Variants in ACTR10 observed in about 807,000 individuals in gnomAD.
ACTR10 encodes the protein actin-related protein 10.
In ACTR10, 43 loss-of-function variants were observed where a neutral mutation model predicts 56.2. That is an observed-to-expected ratio of 0.77 (90% CI 0.60 to 0.99). The LOEUF (loss-of-function observed/expected upper bound fraction) is 0.99, where lower values mean the gene tolerates loss of function less well. ACTR10 is among the 50% of genes least tolerant of loss of function. ACTR10 has a pLI of 0.00. For missense variants in ACTR10, 466 were observed against 507.8 expected (o/e 0.92, Z 0.79); for synonymous variants, 170 against 176.3 (o/e 0.96, Z 0.28).
At chr14:58,225,026 A>G (rs927333128) in intron 10 of ACTR10, among the ~76,000 whole-genome samples, 11 of 152,038 alleles carry the variant, frequency 7.2e-5, no homozygotes, top group African/African-American at 2.4e-4. Flanking sequence ...TTATGGGTCC[A>G]TATGGTCTCT....
At position 58,207,933 on chromosome 14, in the gene ACTR10, C is replaced by T. The variant is rs771683778; in HGVS notation, c.151-3C>T. 27 of 1,429,836 alleles carry T rather than the reference C, an allele frequency of 1.9e-5. No individual in the cohort carries two copies. Among genetic ancestry groups the T allele is most frequent in the South Asian group, 1.1e-4 (7 of 61,774 alleles). 88.6% of individuals were successfully genotyped at this position (1,429,836 alleles called of 1,614,324 possible). On this transcript the variant is annotated splice_region_variant and splice_polypyrimidine_tract_variant and intron_variant, in intron 2 of 12. Coordinates refer to ENST00000254286, the MANE Select transcript of ACTR10 (RefSeq NM_018477.3). ...ATTAATAAATCATTTTAATTTTTTA[C>T]AGCCTGTCAGAGTTGTTCAGTATAA...
In ACTR10 at chr14:58,200,187, C is replaced by T. The variant is rs757909069; in HGVS notation, c.-31C>T. 29 of 1,485,026 alleles carry T rather than the reference C, an allele frequency of 2.0e-5. No homozygotes were observed. Among genetic ancestry groups the T allele is most frequent in the East Asian group, 2.7e-5 (1 of 36,484 alleles). The allele number at this position is 1,485,026 out of a possible 1,614,324, so 92.0% of individuals were successfully genotyped here. A position where few individuals can be genotyped will look rare whatever the true frequency, so the allele number is the denominator to read the frequency against. On this transcript the variant is annotated 5_prime_UTR_variant, in exon 1 of 13. Coordinates refer to ENST00000254286, the MANE Select transcript of ACTR10 (RefSeq NM_018477.3). ...CGAGACTTGTTGGCCGCGGAGACTGCGACCCTCTTCTCTCAGTCTGCCTTA... is the reference window on the plus strand; with the variant it reads ...CGAGACTTGTTGGCCGCGGAGACTGTGACCCTCTTCTCTCAGTCTGCCTTA...
chr14:58,231,441 A>G (rs193238554), intron 11 of ACTR10, among the ~76,000 whole-genome samples: 10 of 152,290 alleles, frequency 6.6e-5, no homozygotes, highest in Admixed American at 6.5e-4. Context: ...ATAGTATTCA[A>G]TTTTAAATTC....
intron 8 of ACTR10, chr14:58,223,399 A>G (rs1566628683): frequency 2.2e-6 from 1 of 464,972 alleles, no homozygotes; most frequent in African/African-American, 2.0e-5. Context: ...CGGCCTCCCA[A>G]AGTGCTGGGA....
chr14:58,226,550 C>T (rs1370445410), intron 10 of ACTR10, among the ~76,000 whole-genome samples: 2 of 151,440 alleles, frequency 1.3e-5, no homozygotes, highest in African/African-American at 2.4e-5. Context: ...AATTAATTTA[C>T]GTTTACTAAC....
At chr14:58,210,906 C>G (rs1888977271) in intron 4 of ACTR10, among the ~76,000 whole-genome samples, 2 of 152,102 alleles carry the variant, frequency 1.3e-5, no homozygotes. Flanking sequence ...AACTCCTGAC[C>G]TCGGGTGATC....
chr14:58,205,314 C>A (rs967559824), intron 2 of ACTR10, among the ~76,000 whole-genome samples: 4 of 129,632 alleles, frequency 3.1e-5, no homozygotes, highest in African/African-American at 8.7e-5. Context: ...CATCAGAAAT[C>A]TTTTTTTTTT....
chr14:58,229,495 G>A (rs1200237485), intron 10 of ACTR10, among the ~76,000 whole-genome samples: 2 of 151,874 alleles, frequency 1.3e-5, no homozygotes, highest in Non-Finnish European at 2.9e-5. Context: ...TGGCTAACAC[G>A]GTGAAACCCC....
intron 10 of ACTR10, 41 bp from the exon 11 acceptor site, chr14:58,230,358 C>G: frequency 8.5e-7 from 1 of 1,169,934 alleles, no homozygotes; most frequent in Non-Finnish European, 1.2e-6. Context: ...TATTATAATA[C>G]GTGACACCAA....
intron 8 of ACTR10, among the ~76,000 whole-genome samples, chr14:58,221,293 A>AT (rs1889261458): frequency 6.7e-6 from 1 of 148,550 alleles, no homozygotes; most frequent in African/African-American, 2.5e-5. Context: ...AAAAAAAAAA[A>AT]AAAAAAAAAA....
Position 58,223,839 on chromosome 14 carries a change from T to C in ACTR10, c.771T>C (p.His257=), listed in dbSNP as rs1889338934. The C allele has an allele frequency of 1.2e-6, 2 of 1,612,190 alleles. No homozygotes were observed. Among genetic ancestry groups the C allele is most frequent in the South Asian group, 2.2e-5 (2 of 90,706 alleles). The change falls in exon 10 of 13, where the codon CAT becomes CAC. Residue 257 remains histidine, a synonymous_variant. Coordinates refer to ENST00000254286, the MANE Select transcript of ACTR10 (RefSeq NM_018477.3). The part of the protein sequence containing the change: ...DYPLDGEKIL[H]ILGSIRDSVV... ...CATTAGATGGAGAGAAGATTTTACA[T>C]ATCCTTGGATCAATCAGGTTAGATC...
At chr14:58,205,533 T>C (rs1247369778) in intron 2 of ACTR10, among the ~76,000 whole-genome samples, 1 of 151,866 alleles carries the variant, frequency 6.6e-6, no homozygotes, top group Admixed American at 6.6e-5. Flanking sequence ...GCCAGAATGG[T>C]CTGTATCTCC....
rs190026620 is a variant in ACTR10, at chr14:58,213,304, C to T, written c.451-327C>T. 1.1e-3 allele frequency: 208 copies of T among 192,960 alleles called. 3 individuals are homozygous for T. The highest frequency in any genetic ancestry group is 4.2e-4 in the Non-Finnish European group (40 of 95,876). 12.0% of individuals were successfully genotyped at this position (192,960 alleles called of 1,614,324 possible). On this transcript the variant is annotated intron_variant, in intron 5 of 12. Transcript: ENST00000254286. ...AAAACCTTCTAAATTTGGTGTGTAG[C>T]TTAGTCTTAGAGCACATCTCAATTC... is the stretch of plus-strand genomic sequence containing the variant.
intron 5 of ACTR10, among the ~76,000 whole-genome samples, chr14:58,212,153 G>T (rs1438786459): frequency 1.3e-5 from 2 of 151,976 alleles, no homozygotes; most frequent in African/African-American, 4.8e-5. Flanking sequence ...ATAAATTGGG[G>T]ATTATAATAT....
In ACTR10 at chr14:58,215,259, A is replaced by G. The variant is rs758483689; in HGVS notation, c.573A>G (p.Lys191=). The G allele has an allele frequency of 6.2e-7, 1 of 1,611,716 alleles. No homozygotes were observed. The highest frequency in any genetic ancestry group is 8.5e-7 in the Non-Finnish European group (1 of 1,178,574). The part of the protein sequence containing the change: ...EQCTVDTSVA[K]EQSLPSVMGS... ...GTACTGTTGACACAAGTGTTGCTAA[A>G]GAACAGAGCCTTCCCTCAGTGATGG... The change falls in exon 7 of 13, where the codon AAA becomes AAG. Residue 191 remains lysine (K), a synonymous_variant. Transcript: ENST00000254286.
At chr14:58,219,950 A>G (rs1249565097) in intron 8 of ACTR10, among the ~76,000 whole-genome samples, 1 of 152,214 alleles carries the variant, frequency 6.6e-6, no homozygotes, top group Non-Finnish European at 1.5e-5. Flanking sequence ...CAGCTTCTCA[A>G]TTGTATACAG....
intron 4 of ACTR10, 29 bp downstream of exon 4, chr14:58,209,136 T>C: frequency 7.1e-7 from 1 of 1,411,202 alleles, no homozygotes; most frequent in Non-Finnish European, 9.8e-7. Flanking sequence ...AATAAGTAAA[T>C]TGCTTTTGAA....
chr14:58,234,271 C>A, intron 12 of ACTR10, 99 bp from the exon 13 acceptor site: 1 of 1,004,846 alleles, frequency 1.0e-6, no homozygotes, highest in Non-Finnish European at 1.4e-6. Context: ...TGAATTTTAC[C>A]AGTCCACTTT....
chr14:58,202,772 A>G, intron 1 of ACTR10, 83 bp from the exon 2 acceptor site: 1 of 1,002,718 alleles, frequency 1.0e-6, no homozygotes, highest in Non-Finnish European at 1.5e-6. Context: ...CATTGTTTTG[A>G]AACAAATACA....
Sources: allele counts gnomAD v4.1 joint callset (sites outside exome capture counted in the v4.1 genomes callset), GRCh38; gene constraint gnomAD v4.1.1; transcripts MANE v1.5; gene names NCBI Gene and HGNC (gene_info 2026-07-23, HGNC 2026-07-21).